The following AASS variants were observed in gnomAD, a reference collection of about 807,000 sequenced individuals.
AASS encodes aminoadipate-semialdehyde synthase, also known as alpha-aminoadipic semialdehyde synthase, mitochondrial.
AASS carries 86 observed loss-of-function variants against 105.4 expected under a neutral mutation model. That is an observed-to-expected ratio of 0.82 (90% CI 0.69 to 0.98). AASS has a LOEUF of 0.98. Ranked by LOEUF, AASS falls within the 50% of genes least tolerant of loss-of-function variation. The pLI, the probability that AASS is intolerant of heterozygous loss-of-function variation, is 0.00. For synonymous variants in AASS, 381 were observed against 394.8 expected (o/e 0.96, Z 0.41); for missense variants, 1,048 against 1,143.2 (o/e 0.92, Z 1.20).
chr7:122,087,120 G>A (rs2150512633), intron 18 of AASS, among the ~76,000 whole-genome samples: 1 of 152,268 alleles, frequency 6.6e-6, no homozygotes, highest in South Asian at 2.1e-4. Flanking sequence ...TTTCTCTAAA[G>A]CTGCACAAAA....
intron 11 of AASS, among the ~76,000 whole-genome samples, chr7:122,105,130 CA>C (rs1217355093): frequency 6.6e-6 from 1 of 151,762 alleles, no homozygotes; most frequent in African/African-American, 2.4e-5. Flanking sequence ...TCACAAGAGA[CA>C]AAGAAAGTCA....
rs1419649805 is a variant in AASS, at chr7:122,091,708, C to T, written c.2011G>A (p.Gly671Arg). The part of the protein sequence containing the change: ...VMQSATYLLD[G>R]KVVNVAGGIS... ...GCTTGGATAAGATTCCTCACCTTTCCATCGAGCAGATAGGTGGCAGACTGC... is the reference window on the plus strand; with the variant it reads ...GCTTGGATAAGATTCCTCACCTTTCTATCGAGCAGATAGGTGGCAGACTGC... The change falls in exon 18 of 24, where the codon GGA becomes AGA. Residue 671 changes from glycine (G) to arginine (R), a missense_variant. Transcript: ENST00000417368. The T allele has an allele frequency of 1.2e-6, 2 of 1,613,356 alleles. No individual in the cohort carries two copies. Among genetic ancestry groups the T allele is most frequent in the Non-Finnish European group, 1.7e-6 (2 of 1,179,550 alleles).
intron 15 of AASS, 126 bp downstream of exon 15, chr7:122,098,324 G>A (rs1794262469): frequency 2.0e-6 from 2 of 982,022 alleles, no homozygotes; most frequent in African/African-American, 1.6e-5. Context: ...TGCACCTTCT[G>A]GACCCATACT....
At chr7:122,097,137 A>G (rs1368665461) in intron 15 of AASS, among the ~76,000 whole-genome samples, 1 of 151,944 alleles carries the variant, frequency 6.6e-6, no homozygotes, top group African/African-American at 2.4e-5. Context: ...TAAAAATGCC[A>G]GCCTACAGAA....
chr7:122,114,925 T>TA (rs1730832963), intron 9 of AASS, 149 bp downstream of exon 9: 1 of 971,676 alleles, frequency 1.0e-6, no homozygotes, highest in Admixed American at 2.0e-5. Context: ...GAGAGATGGT[T>TA]AACAGTGTTG....
At chr7:122,088,380 G>A (rs981489326) in intron 18 of AASS, among the ~76,000 whole-genome samples, 1 of 152,026 alleles carries the variant, frequency 6.6e-6, no homozygotes, top group Admixed American at 6.6e-5. Flanking sequence ...CTTGTACTGG[G>A]CATTATCTTT....
At chr7:122,143,902 C>T (rs994348937) in intron 1 of AASS, among the ~76,000 whole-genome samples, 3 of 152,230 alleles carry the variant, frequency 2.0e-5, no homozygotes, top group African/African-American at 7.2e-5. Flanking sequence ...GCGCTGACCG[C>T]TCTCCCTCCC....
At chr7:122,136,119 C>T (rs17616983) in intron 1 of AASS, among the ~76,000 whole-genome samples, 33,947 of 152,036 alleles carry the variant, frequency 0.22, 4,034 homozygotes, top group African/African-American at 0.31. Context: ...TACCCATCAC[C>T]GCTAACAACA....
intron 18 of AASS, among the ~76,000 whole-genome samples, chr7:122,087,229 T>C (rs1405114175): frequency 6.6e-6 from 1 of 152,188 alleles, no homozygotes; most frequent in Non-Finnish European, 1.5e-5. Context: ...CATGCCTTAT[T>C]AGTAGATGGG....
intron 18 of AASS, among the ~76,000 whole-genome samples, chr7:122,091,395 A>T (rs1433972845): frequency 6.6e-6 from 1 of 152,158 alleles, no homozygotes; most frequent in South Asian, 2.1e-4. Context: ...AGGTACTCAG[A>T]AAATGTTTGT....
At chr7:122,139,510 T>C (rs1300198704) in intron 1 of AASS, among the ~76,000 whole-genome samples, 1 of 152,182 alleles carries the variant, frequency 6.6e-6, no homozygotes, top group Non-Finnish European at 1.5e-5. Flanking sequence ...TTTTTCTGTT[T>C]TATAGAAAGC....
chr7:122,128,124 T>A (rs1486248020), intron 3 of AASS, among the ~76,000 whole-genome samples: 1 of 152,180 alleles, frequency 6.6e-6, no homozygotes, highest in Admixed American at 6.5e-5. Context: ...TCCTGTAGGA[T>A]CCACCTCTAA....
In AASS at chr7:122,101,615, A is replaced by G. The variant is rs375007879; in HGVS notation, c.1338+6T>C. The G allele has an allele frequency of 6.2e-7, 1 of 1,608,330 alleles. No individual in the cohort carries two copies. The highest frequency in any genetic ancestry group is 1.3e-5 in the African/African-American group (1 of 74,730). ...TTTATGAAAAAATATTCTGCTCATA[A>G]CTTACATCTCTCACCACAGGAGAAA... On this transcript the variant is annotated splice_donor_region_variant and intron_variant, in intron 12 of 23. Transcript: ENST00000417368.
intron 13 of AASS, among the ~76,000 whole-genome samples, chr7:122,100,602 T>C (rs192035719): frequency 9.9e-5 from 15 of 151,840 alleles, no homozygotes; most frequent in African/African-American, 3.4e-4. Context: ...TATTTTTTTT[T>C]CCAACTCTGG....
At chr7:122,112,210 T>C (rs777981919) in intron 11 of AASS, among the ~76,000 whole-genome samples, 1 of 152,234 alleles carries the variant, frequency 6.6e-6, no homozygotes, top group Non-Finnish European at 1.5e-5. Flanking sequence ...ATTTACCTAA[T>C]ACGGTTTTCA....
At chr7:122,096,287 TG>T (rs1213377063) in intron 15 of AASS, among the ~76,000 whole-genome samples, 1 of 152,136 alleles carries the variant, frequency 6.6e-6, no homozygotes, top group Non-Finnish European at 1.5e-5. Flanking sequence ...CTCATTTTTT[TG>T]TAGTCCCTAT....
intron 11 of AASS, among the ~76,000 whole-genome samples, chr7:122,109,762 T>C (rs1015332208): frequency 2.7e-5 from 4 of 149,258 alleles, no homozygotes; most frequent in Admixed American, 1.3e-4. Context: ...ATTTTTTGGA[T>C]AAGAACTCAA....
chr7:122,113,429 ATGTGTG>A (rs1174884316), intron 10 of AASS, among the ~76,000 whole-genome samples, 163 bp downstream of exon 10: 1 of 152,176 alleles, frequency 6.6e-6, no homozygotes, highest in South Asian at 2.1e-4. Flanking sequence ...ATATTTGTGT[ATGTGTG>A]TGTGTTCAAA....
At position 122,101,292 on chromosome 7, in the gene AASS, C is replaced by T. The variant is rs899524263; in HGVS notation, c.1406+79G>A. 1.7e-4 allele frequency: 185 copies of T among 1,108,902 alleles called. 1 individual carries two copies. Among genetic ancestry groups the T allele is most frequent in the Non-Finnish European group, 5.0e-5 (36 of 725,142 alleles). 68.7% of individuals were successfully genotyped at this position (1,108,902 alleles called of 1,614,324 possible). ...GTACAAACCTAATATTAAGAACTCCCATTGAAGCATTAAAAAATACTCATG... is the reference window on the plus strand; with the variant it reads ...GTACAAACCTAATATTAAGAACTCCTATTGAAGCATTAAAAAATACTCATG... On this transcript the variant is annotated intron_variant, in intron 13 of 23. Coordinates refer to ENST00000417368, the MANE Select transcript of AASS (RefSeq NM_005763.4).
Sources: gnomAD v4.1 joint callset for allele counts (sites outside exome capture counted in the v4.1 genomes callset) on GRCh38, gnomAD v4.1.1 for gene constraint, MANE v1.5 for transcripts, NCBI Gene and HGNC (gene_info 2026-07-23, HGNC 2026-07-21) for gene names.